Variants in XKR4 observed in about 807,000 individuals in gnomAD.
XKR4 encodes the protein XK related 4.
Under a neutral mutation model 53.9 loss-of-function variants are expected in XKR4, and 12 were observed. The observed-to-expected ratio is 0.22, with a 90% CI of 0.14 to 0.36. The LOEUF is 0.36. Ranked by LOEUF, XKR4 falls within the 10% of genes least tolerant of loss-of-function variation. The probability of loss-of-function intolerance (pLI) is 1.00; values close to 1 mark genes in which losing one functional copy is unlikely to be tolerated. For missense variants in XKR4, 799 were observed against 859.5 expected (o/e 0.93, Z 0.88); for synonymous variants, 354 against 362.4 (o/e 0.98, Z 0.26).
At chr8:55,452,341 C>T (rs1453335045) in intron 2 of XKR4, 2 of 630,038 alleles carry the variant, frequency 3.2e-6, no homozygotes, top group Admixed American at 4.8e-5. Context: ...ACCACCTTCT[C>T]CCCCACCAGG....
intron 1 of XKR4, among the ~76,000 whole-genome samples, chr8:55,139,673 GT>G (rs11354906): frequency 0.066 from 9,938 of 149,930 alleles, 493 homozygotes; most frequent in African/African-American, 0.14. Context: ...AATAGTAGCT[GT>G]TTTTTTTTTT....
chr8:55,221,119 G>A (rs987820766), intron 1 of XKR4, among the ~76,000 whole-genome samples: 195 of 152,334 alleles, frequency 1.3e-3, no homozygotes, highest in African/African-American at 4.5e-3. Context: ...AATTTGCAAG[G>A]CTGGCCGGCC....
At chr8:55,433,653 A>G (rs922746093) in intron 2 of XKR4, among the ~76,000 whole-genome samples, 2 of 152,240 alleles carry the variant, frequency 1.3e-5, no homozygotes, top group Non-Finnish European at 1.5e-5. Flanking sequence ...AACCAAAAAG[A>G]TCGAAGAGGA....
chr8:55,292,706 G>A (rs571237472), intron 1 of XKR4, among the ~76,000 whole-genome samples: 2 of 151,760 alleles, frequency 1.3e-5, no homozygotes, highest in African/African-American at 2.4e-5. Context: ...TTCTTTCTAG[G>A]TTCTAGAGGT....
Position 55,498,288 on chromosome 8 carries a change from T to C in XKR4, c.1007-24993T>C, listed in dbSNP as rs138487030. On this transcript the variant is annotated intron_variant, in intron 2 of 2. Transcript: ENST00000327381. The stretch of plus-strand genomic sequence containing the variant: ...CACTGCTAGGGAAGACGGATCCCCA[T>C]GGTCGCCTTCCGTCCCAGAGTGAAC... Among the ~76,000 whole-genome samples, 841 of 152,248 alleles carry C rather than the reference T, an allele frequency of 5.5e-3. 9 individuals are homozygous for C. The highest frequency in any genetic ancestry group is 0.019 in the African/African-American group (784 of 41,556).
rs1159489590 is a variant in XKR4 at position 55,524,916 on chromosome 8, G to A, written c.*689G>A. On this transcript the variant is annotated 3_prime_UTR_variant, in exon 3 of 3. Transcript: ENST00000327381. ...TTTTATATTTTAAATTTTCAGTTGC[G>A]AACATCCTTTTTGACAGAAATCCTA... 2 of 152,528 alleles carry A rather than the reference G, an allele frequency of 1.3e-5. No homozygotes were observed. Among genetic ancestry groups the A allele is most frequent in the African/African-American group, 2.4e-5 (1 of 41,400 alleles). 9.4% of individuals were successfully genotyped at this position (152,528 alleles called of 1,614,324 possible). A position where few individuals can be genotyped will look rare whatever the true frequency, so the allele number is the denominator to read the frequency against.
In XKR4 at chr8:55,209,488, TAA is replaced by T. The variant is rs1817698011; in HGVS notation, c.806+106195_806+106196del. 2.6e-5 allele frequency among the ~76,000 whole-genome samples: 4 copies of T among 152,186 alleles called. 1 individual carries two copies. In the South Asian group the frequency reaches 6.2e-4, roughly 24 times the overall value. On this transcript the variant is annotated intron_variant, in intron 1 of 2. Coordinates refer to ENST00000327381, the MANE Select transcript of XKR4 (RefSeq NM_052898.2). ...CTGTGCATCCTCCACCTGATTTTAT[TAA>T]GACACGTTTTTTAAGGTAGAGAGTA...
chr8:55,495,905 T>C (rs1308298630), intron 2 of XKR4, among the ~76,000 whole-genome samples: 1 of 152,224 alleles, frequency 6.6e-6, no homozygotes, highest in African/African-American at 2.4e-5. Flanking sequence ...AAGAAGTTTT[T>C]TACCAAATGT....
At chr8:55,453,673 C>T in intron 2 of XKR4, 1 of 410,920 alleles carries the variant, frequency 2.4e-6, no homozygotes, top group Non-Finnish European at 4.7e-6. Context: ...AGGGGAAGGG[C>T]CGGGGCGCCC....
At chr8:55,419,411 C>T (rs1804894137) in intron 2 of XKR4, among the ~76,000 whole-genome samples, 1 of 152,182 alleles carries the variant, frequency 6.6e-6, no homozygotes, top group Admixed American at 6.6e-5. Context: ...CACAACACCT[C>T]ATTGGTATTC....
chr8:55,386,666 G>A (rs1804320495), intron 2 of XKR4, among the ~76,000 whole-genome samples: 1 of 152,208 alleles, frequency 6.6e-6, no homozygotes. Context: ...TAGTAGCGAA[G>A]AGGAGATAAG....
At chr8:55,211,357 G>A (rs1350988696) in intron 1 of XKR4, among the ~76,000 whole-genome samples, 1 of 152,140 alleles carries the variant, frequency 6.6e-6, no homozygotes, top group South Asian at 2.1e-4. Flanking sequence ...ATCAGATTCA[G>A]ACTTGGAGAT....
intron 1 of XKR4, among the ~76,000 whole-genome samples, chr8:55,256,836 T>G (rs1818444862): frequency 1.3e-5 from 2 of 152,196 alleles, no homozygotes; most frequent in South Asian, 2.1e-4. Context: ...TTAGTCCATT[T>G]GGCTGTATAA....
At chr8:55,467,786 C>T (rs889611392) in intron 2 of XKR4, among the ~76,000 whole-genome samples, 6 of 152,084 alleles carry the variant, frequency 3.9e-5, no homozygotes, top group African/African-American at 1.4e-4. Flanking sequence ...GCAAGTTTTG[C>T]TTTTCTTTTG....
At chr8:55,441,272 A>T (rs180953720) in intron 2 of XKR4, among the ~76,000 whole-genome samples, 1 of 152,132 alleles carries the variant, frequency 6.6e-6, no homozygotes, top group Non-Finnish European at 1.5e-5. Flanking sequence ...AGTACAGCAC[A>T]TTGTCAGTGA....
At chr8:55,289,929 T>C (rs1818994972) in intron 1 of XKR4, among the ~76,000 whole-genome samples, 1 of 151,794 alleles carries the variant, frequency 6.6e-6, no homozygotes, top group East Asian at 1.9e-4. Context: ...TTGTCCAGAA[T>C]AGCTGTGCCA....
chr8:55,120,887 C>T (rs1816381771), intron 1 of XKR4, among the ~76,000 whole-genome samples: 1 of 152,224 alleles, frequency 6.6e-6, no homozygotes, highest in Non-Finnish European at 1.5e-5. Flanking sequence ...TCCATCCCCA[C>T]AAACTCCTGG....
chr8:55,510,810 A>G (rs999272486), intron 2 of XKR4, among the ~76,000 whole-genome samples: 13 of 152,254 alleles, frequency 8.5e-5, no homozygotes, highest in Non-Finnish European at 1.6e-4. Flanking sequence ...CAGCATGTAA[A>G]GGAGCATGCC....
intron 1 of XKR4, among the ~76,000 whole-genome samples, chr8:55,206,588 A>G (rs1048973534): frequency 9.8e-5 from 15 of 152,358 alleles, no homozygotes; most frequent in African/African-American, 3.4e-4. Context: ...ATGAAAAAAA[A>G]TAAACCTACA....
Sources: allele counts gnomAD v4.1 joint callset (sites outside exome capture counted in the v4.1 genomes callset), GRCh38; gene constraint gnomAD v4.1.1; transcripts MANE v1.5; gene names NCBI Gene and HGNC (gene_info 2026-07-23, HGNC 2026-07-21).